The following MYPN variants were observed in gnomAD, a reference collection of about 807,000 sequenced individuals.
MYPN encodes the protein myopalladin.
MYPN carries 63 observed loss-of-function variants against 129.4 expected under a neutral mutation model. The observed-to-expected ratio is 0.49, with a 90% CI of 0.40 to 0.60. The LOEUF is 0.60. Among genes scored for constraint, MYPN ranks in the 20% least tolerant of loss-of-function variants. MYPN has a pLI of 0.00. For missense variants in MYPN, 1,596 were observed against 1,635.4 expected (o/e 0.98, Z 0.42); for synonymous variants, 629 against 600.9 (o/e 1.05, Z -0.68).
chr10:68,159,800 T>C (rs759083640), intron 7 of MYPN, among the ~76,000 whole-genome samples: 2 of 152,224 alleles, frequency 1.3e-5, no homozygotes, highest in Middle Eastern at 3.2e-3. Flanking sequence ...TCTGTATTTT[T>C]TTAGTTTTTC....
At chr10:68,163,308 G>A (rs968639215) in intron 8 of MYPN, among the ~76,000 whole-genome samples, 1 of 151,402 alleles carries the variant, frequency 6.6e-6, no homozygotes, top group African/African-American at 2.4e-5. Flanking sequence ...AAAAATAGAA[G>A]CCTTATGATT....
chr10:68,123,195 CG>C (rs1311579678), intron 2 of MYPN, among the ~76,000 whole-genome samples: 66 of 149,846 alleles, frequency 4.4e-4, no homozygotes, highest in African/African-American at 1.6e-3. Context: ...GCCAACAGGG[CG>C]AAACCCCATC....
intron 10 of MYPN, among the ~76,000 whole-genome samples, chr10:68,169,904 T>C (rs1203183841): frequency 6.6e-6 from 1 of 152,066 alleles, no homozygotes; most frequent in Non-Finnish European, 1.5e-5. Context: ...CACGCCTGGA[T>C]AATTTTTGTA....
chr10:68,172,124 C>T (rs4746732), intron 10 of MYPN, among the ~76,000 whole-genome samples: 61,450 of 152,036 alleles, frequency 0.4, 14,091 homozygotes, highest in Non-Finnish European at 0.52. Context: ...GAGGCCAAGG[C>T]GGGCAAATTG....
chr10:68,123,481 C>T, intron 2 of MYPN, among the ~76,000 whole-genome samples: 1 of 150,872 alleles, frequency 6.6e-6, no homozygotes, highest in Non-Finnish European at 1.5e-5. Context: ...TCGAGACCAT[C>T]CTGGCTAAAA....
chr10:68,145,524 T>A lies in MYPN; in HGVS notation c.1128T>A (p.Asn376Lys). Residue 376 changes from asparagine (N) to lysine (K), a missense_variant and splice_region_variant, in exon 4 of 20, where the codon AAT (asparagine) becomes AAA (lysine). Physicochemically the swap from Asn to Lys is moderately conservative, Grantham distance 94. Coordinates refer to ENST00000358913, the MANE Select transcript of MYPN (RefSeq NM_032578.4). ...GCGACCCTAACAAGGAAGAGATGAA[T>A]CGGTAATTCTGATTTTCTGTCTTAT... is the stretch of plus-strand genomic sequence containing the variant. ...SEGDPNKEEM[N>K]RIQKPNEVSS... 1 of 1,612,560 alleles carries A rather than the reference T, an allele frequency of 6.2e-7. No individual in the cohort carries two copies. Among genetic ancestry groups the A allele is most frequent in the Non-Finnish European group, 8.5e-7 (1 of 1,178,912 alleles).
chr10:68,210,233 C>T (rs754067208), intron 19 of MYPN, 53 bp from the exon 20 acceptor site: 402 of 1,594,590 alleles, frequency 2.5e-4, no homozygotes, highest in Non-Finnish European at 3.3e-4. Context: ...CTGCAGCGTA[C>T]ATGCTGGACT....
chr10:68,210,161 G>A, intron 19 of MYPN, 125 bp from the exon 20 acceptor site: 1 of 1,060,316 alleles, frequency 9.4e-7, no homozygotes, highest in African/African-American at 1.6e-5. Flanking sequence ...TCAGACCCAG[G>A]TATAGTTATA....
At chr10:68,088,639 C>T (rs975203423) in intron 1 of MYPN, among the ~76,000 whole-genome samples, 13 of 152,094 alleles carry the variant, frequency 8.5e-5, no homozygotes, top group African/African-American at 3.1e-4. Context: ...AGTTACAGCT[C>T]CTCATTAATG....
intron 12 of MYPN, among the ~76,000 whole-genome samples, chr10:68,180,559 A>G (rs952014810): frequency 1.3e-5 from 2 of 152,196 alleles, no homozygotes; most frequent in African/African-American, 4.8e-5. Context: ...AAAGGAGAAC[A>G]CTTTCTCTAA....
chr10:68,115,325 C>G (rs903040092), intron 1 of MYPN, among the ~76,000 whole-genome samples: 2 of 148,840 alleles, frequency 1.3e-5, no homozygotes, highest in Non-Finnish European at 3.0e-5. Flanking sequence ...TCTAAGAGAA[C>G]TTACGATTTT....
chr10:68,194,636 G>A (rs1488927943), intron 14 of MYPN, 124 bp downstream of exon 14: 5 of 1,130,764 alleles, frequency 4.4e-6, no homozygotes, highest in Non-Finnish European at 6.5e-6. Flanking sequence ...GAGAAGCATT[G>A]TGATTTTGTG....
chr10:68,198,296 A>C (rs1214096109), intron 16 of MYPN, among the ~76,000 whole-genome samples: 1 of 152,194 alleles, frequency 6.6e-6, no homozygotes, highest in African/African-American at 2.4e-5. Flanking sequence ...ATATGGCTCC[A>C]AGGTAGTGTA....
At chr10:68,107,345 T>C (rs913070033), upstream of MYPN, among the ~76,000 whole-genome samples, 8 of 147,032 alleles carry the variant, frequency 5.4e-5, no homozygotes, top group South Asian at 2.2e-4. Flanking sequence ...TCTTTTCTTT[T>C]TTTTTTTTTT....
intron 2 of MYPN, among the ~76,000 whole-genome samples, chr10:68,124,856 C>T (rs987056887): frequency 1.3e-5 from 2 of 152,150 alleles, no homozygotes; most frequent in African/African-American, 2.4e-5. Flanking sequence ...CTGCTCTGAA[C>T]GTGCCTGATG....
At chr10:68,111,888 G>GCT (rs1270925752) in intron 1 of MYPN, among the ~76,000 whole-genome samples, 3 of 152,186 alleles carry the variant, frequency 2.0e-5, no homozygotes, top group South Asian at 2.1e-4. Context: ...GACACCTACT[G>GCT]CTCTCTCAAT....
At chr10:68,171,582 C>T (rs1173679226) in intron 10 of MYPN, among the ~76,000 whole-genome samples, 3 of 152,234 alleles carry the variant, frequency 2.0e-5, no homozygotes, top group Non-Finnish European at 4.4e-5. Flanking sequence ...ATAATAATAA[C>T]TCTGTCTGAA....
At chr10:68,106,690 A>C (rs1215974766), upstream of MYPN, 3 of 716,082 alleles carry the variant, frequency 4.2e-6, no homozygotes, top group South Asian at 4.4e-5. Context: ...AAATGCAAAC[A>C]TTTTATATGA....
At chr10:68,196,483 C>CTTTTCTT (rs2043607737) in intron 15 of MYPN, among the ~76,000 whole-genome samples, 1 of 112,518 alleles carries the variant, frequency 8.9e-6, no homozygotes. Context: ...CCTTCTTCTT[C>CTTTTCTT]TTTTTTTTTT....
Sources: allele counts gnomAD v4.1 joint callset (sites outside exome capture counted in the v4.1 genomes callset), GRCh38; gene constraint gnomAD v4.1.1; transcripts MANE v1.5; gene names NCBI Gene and HGNC (gene_info 2026-07-23, HGNC 2026-07-21).